Variants in CMSS1 observed in about 807,000 individuals in gnomAD.
The protein encoded by CMSS1 is cms1 ribosomal small subunit homolog, also known as protein CMSS1.
CMSS1 carries 33 observed loss-of-function variants against 43.5 expected under a neutral mutation model. The observed-to-expected ratio is 0.76, with a 90% CI of 0.57 to 1.01. The LOEUF is 1.01. Ranked by LOEUF, CMSS1 falls within the 50% of genes least tolerant of loss-of-function variation. CMSS1 has a pLI of 0.00. For synonymous variants in CMSS1, 115 were observed against 117.2 expected (o/e 0.98, Z 0.12); for missense variants, 313 against 326.4 (o/e 0.96, Z 0.32).
intron 1 of CMSS1, chr3:100,141,532 C>A: frequency 2.2e-6 from 1 of 456,140 alleles, no homozygotes; most frequent in South Asian, 1.6e-5. Context: ...ATTGCCAGGG[C>A]CCCTCCCAGT....
chr3:99,832,862 T>TG (rs1310253929), intron 1 of CMSS1, among the ~76,000 whole-genome samples: 77 of 134,370 alleles, frequency 5.7e-4, no homozygotes, highest in African/African-American at 2.0e-3. Context: ...AAAAAAGTTG[T>TG]TTTTTTTTTT....
At chr3:99,930,873 A>G (rs1707458390) in intron 1 of CMSS1, 1 of 1,612,932 alleles carries the variant, frequency 6.2e-7, no homozygotes, top group East Asian at 2.2e-5. Context: ...GCCTTGGGAC[A>G]CGGAAGTATT....
At chr3:100,125,513 T>G (rs1450536833) in intron 1 of CMSS1, among the ~76,000 whole-genome samples, 1 of 152,158 alleles carries the variant, frequency 6.6e-6, no homozygotes, top group Non-Finnish European at 1.5e-5. Flanking sequence ...TTGTAACGGG[T>G]CAAGTAATTA....
At chr3:100,009,767 C>G (rs2107189923) in intron 1 of CMSS1, among the ~76,000 whole-genome samples, 1 of 152,342 alleles carries the variant, frequency 6.6e-6, no homozygotes, top group African/African-American at 2.4e-5. Flanking sequence ...TTGATTGTCT[C>G]TCTCTTAGTA....
intron 1 of CMSS1, among the ~76,000 whole-genome samples, chr3:99,838,224 A>G (rs1313619727): frequency 6.6e-6 from 1 of 152,192 alleles, no homozygotes; most frequent in African/African-American, 2.4e-5. Flanking sequence ...TTGCTTTCTC[A>G]CATCTCCTAT....
intron 1 of CMSS1, among the ~76,000 whole-genome samples, chr3:99,862,787 A>G (rs886760707): frequency 2.0e-5 from 3 of 152,060 alleles, no homozygotes; most frequent in African/African-American, 7.2e-5. Flanking sequence ...CTGCTACTCA[A>G]ATGTATTTGG....
chr3:100,137,663 C>T (rs372406668), intron 1 of CMSS1, among the ~76,000 whole-genome samples: 5 of 151,558 alleles, frequency 3.3e-5, no homozygotes, highest in Non-Finnish European at 5.9e-5. Flanking sequence ...CCTGGGTTCA[C>T]GCCATTCTCC....
chr3:99,971,386 C>A (rs1248289904), intron 1 of CMSS1, among the ~76,000 whole-genome samples: 1 of 151,084 alleles, frequency 6.6e-6, no homozygotes, highest in East Asian at 1.9e-4. Flanking sequence ...AGTGAGATCA[C>A]CACACAAGGA....
At chr3:100,088,296 A>T (rs1340630369) in intron 1 of CMSS1, among the ~76,000 whole-genome samples, 1 of 152,230 alleles carries the variant, frequency 6.6e-6, no homozygotes, top group African/African-American at 2.4e-5. Context: ...AAATAGTTTC[A>T]TTTCAGAAGT....
intron 1 of CMSS1, among the ~76,000 whole-genome samples, chr3:99,885,363 A>T (rs987057784): frequency 6.6e-6 from 1 of 152,244 alleles, no homozygotes; most frequent in African/African-American, 2.4e-5. Context: ...GCATTCTAAG[A>T]TTTATAGAAG....
chr3:99,848,319 AG>A, intron 1 of CMSS1: 1 of 1,614,076 alleles, frequency 6.2e-7, no homozygotes, highest in Non-Finnish European at 8.5e-7. Flanking sequence ...GTCGAGGAAG[AG>A]GTGTGGCTGT....
At chr3:99,890,186 A>C (rs1206321434) in intron 1 of CMSS1, among the ~76,000 whole-genome samples, 1 of 152,132 alleles carries the variant, frequency 6.6e-6, no homozygotes, top group African/African-American at 2.4e-5. Flanking sequence ...AGTACATTGA[A>C]GATATTATTC....
At chr3:99,951,645 TAC>T (rs1417334807) in intron 1 of CMSS1, among the ~76,000 whole-genome samples, 1 of 152,188 alleles carries the variant, frequency 6.6e-6, no homozygotes, top group Non-Finnish European at 1.5e-5. Context: ...CCACCACATA[TAC>T]ACAGTCCCCA....
intron 1 of CMSS1, among the ~76,000 whole-genome samples, chr3:100,145,466 A>G (rs190136082): frequency 3.3e-3 from 509 of 152,144 alleles, no homozygotes; most frequent in Non-Finnish European, 5.3e-3. Context: ...AAAAGTATAC[A>G]TATTAGTCAG....
chr3:99,930,098 G>T, intron 1 of CMSS1: 1 of 1,312,936 alleles, frequency 7.6e-7, no homozygotes, highest in African/African-American at 1.5e-5. Flanking sequence ...TGATTTTTGT[G>T]ATAGTTGGCA....
intron 1 of CMSS1, among the ~76,000 whole-genome samples, chr3:100,086,433 A>G (rs1177617679): frequency 6.6e-6 from 1 of 152,218 alleles, no homozygotes; most frequent in African/African-American, 2.4e-5. Flanking sequence ...AAAAAAATCC[A>G]GGTTCTACTC....
chr3:100,178,226 G>C (rs2067163744), intron 9 of CMSS1, 79 bp from the exon 10 acceptor site: 1 of 787,054 alleles, frequency 1.3e-6, no homozygotes, highest in African/African-American at 1.7e-5. Flanking sequence ...ATATCAGGGA[G>C]TCCTGATGGT....
chr3:100,043,301 C>T (rs1192553757), intron 1 of CMSS1, among the ~76,000 whole-genome samples: 1 of 152,184 alleles, frequency 6.6e-6, no homozygotes, highest in Non-Finnish European at 1.5e-5. Flanking sequence ...TTTTATTCCC[C>T]TTTGAAAGAT....
intron 1 of CMSS1, among the ~76,000 whole-genome samples, chr3:99,864,424 TG>T (rs1450290878): frequency 9.2e-5 from 14 of 152,188 alleles, no homozygotes; most frequent in Admixed American, 9.2e-4. Context: ...ATTTTGCAGA[TG>T]GAGGAGAAAC....
Sources: allele counts gnomAD v4.1 joint callset (sites outside exome capture counted in the v4.1 genomes callset), GRCh38; gene constraint gnomAD v4.1.1; transcripts MANE v1.5; gene names NCBI Gene and HGNC (gene_info 2026-07-23, HGNC 2026-07-21).